The following HDHD5 variants were observed in gnomAD, a reference collection of about 807,000 sequenced individuals.
HDHD5 encodes haloacid dehalogenase like hydrolase domain containing 5, also known as haloacid dehalogenase-like hydrolase domain-containing 5.
Under a neutral mutation model 35.5 loss-of-function variants are expected in HDHD5, and 34 were observed. The observed-to-expected ratio is 0.96, with a 90% CI of 0.73 to 1.28. The LOEUF (loss-of-function observed/expected upper bound fraction) is 1.28, where lower values mean the gene tolerates loss of function less well. Ranked by LOEUF, HDHD5 falls within the 50% of genes most tolerant of loss-of-function variation. HDHD5 has a pLI of 0.00. For missense variants in HDHD5, 589 were observed against 560.2 expected, an observed-to-expected ratio of 1.05 and a Z score of -0.52; for synonymous variants, 248 against 240.6, an observed-to-expected ratio of 1.03 and a Z score of -0.29.
intron 1 of HDHD5, among the ~76,000 whole-genome samples, chr22:17,151,400 G>A (rs1017275665): frequency 2.0e-5 from 3 of 152,156 alleles, no homozygotes; most frequent in South Asian, 2.1e-4. Context: ...CCTACTCTAC[G>A]CACAGAGCTC....
intron 1 of HDHD5, among the ~76,000 whole-genome samples, chr22:17,150,540 A>G (rs1568947094): frequency 7.4e-6 from 1 of 134,346 alleles, no homozygotes; most frequent in East Asian, 2.0e-4. Flanking sequence ...TTTTTTTGAG[A>G]CAGAGTCTTG....
Position 17,159,254 on chromosome 22 carries a change from G to A in HDHD5, c.-3C>T. On this transcript the variant is annotated 5_prime_UTR_variant, in exon 1 of 8. Transcript: ENST00000336737. Reference sequence around the variant, plus strand: ...GCCACACAGCCCCACGCAGCCATCCGGCCGTCGCCGTGCGCACGTGCACGG... The same window carrying A: ...GCCACACAGCCCCACGCAGCCATCCAGCCGTCGCCGTGCGCACGTGCACGG... The A allele has an allele frequency of 1.6e-6, 2 of 1,223,030 alleles. No individual in the cohort carries two copies. The highest frequency in any genetic ancestry group is 2.0e-6 in the Non-Finnish European group (2 of 978,792). 75.8% of individuals were successfully genotyped at this position (1,223,030 alleles called of 1,614,324 possible). A position where few individuals can be genotyped will look rare whatever the true frequency, so the allele number is the denominator to read the frequency against.
intron 1 of HDHD5, among the ~76,000 whole-genome samples, chr22:17,151,559 G>A (rs1425796342): frequency 5.3e-5 from 8 of 151,998 alleles, no homozygotes; most frequent in African/African-American, 9.6e-5. Context: ...GTGAAACCTC[G>A]CCTCTACTAA....
At chr22:17,155,854 TGAA>T (rs752704385) in intron 1 of HDHD5, among the ~76,000 whole-genome samples, 13 of 152,104 alleles carry the variant, frequency 8.5e-5, no homozygotes, top group Non-Finnish European at 1.3e-4. Flanking sequence ...AACTCATAGC[TGAA>T]GAAGAGGCAA....
intron 6 of HDHD5, 136 bp downstream of exon 6, chr22:17,140,923 G>C: frequency 1.4e-6 from 1 of 708,602 alleles, no homozygotes; most frequent in Non-Finnish European, 2.2e-6. Flanking sequence ...CCAGGTTACT[G>C]CAGCAACAAC....
In HDHD5 at chr22:17,155,939, G is replaced by T. The variant is rs116541357; in HGVS notation, c.126+3187C>A. Among the ~76,000 whole-genome samples, 886 of 152,254 alleles carry T rather than the reference G, an allele frequency of 5.8e-3. 6 individuals carry two copies. The highest frequency in any genetic ancestry group is 0.02 in the African/African-American group (834 of 41,532). Reference sequence around the variant, plus strand: ...AGTGAAGGGTTCAGCAGCTTTTACAGACCTCAAGTTCCTTAAAAAGTCTGA... The same window carrying T: ...AGTGAAGGGTTCAGCAGCTTTTACATACCTCAAGTTCCTTAAAAAGTCTGA... On this transcript the variant is annotated intron_variant, in intron 1 of 7. Coordinates refer to ENST00000336737, the MANE Select transcript of HDHD5 (RefSeq NM_033070.3).
chr22:17,143,421 G>C (rs1228565493), intron 4 of HDHD5: 1 of 348,150 alleles, frequency 2.9e-6, no homozygotes, highest in Non-Finnish European at 5.2e-6. Flanking sequence ...ACAAGATATA[G>C]CCAAGCAAGA....
chr22:17,145,671 AAC>A (rs2061654495), intron 3 of HDHD5, among the ~76,000 whole-genome samples: 1 of 152,082 alleles, frequency 6.6e-6, no homozygotes, highest in Non-Finnish European at 1.5e-5. Flanking sequence ...CAACTTGGGC[AAC>A]AGAGTGTGAC....
At chr22:17,163,090 T>C (rs1246765266), upstream of HDHD5, among the ~76,000 whole-genome samples, 1 of 152,274 alleles carries the variant, frequency 6.6e-6, no homozygotes, top group Non-Finnish European at 1.5e-5. Context: ...GCACGTCTTC[T>C]GAGTTTATCC....
At chr22:17,145,970 C>G (rs142004843) in intron 3 of HDHD5, among the ~76,000 whole-genome samples, 2 of 152,276 alleles carry the variant, frequency 1.3e-5, no homozygotes, top group African/African-American at 4.8e-5. Flanking sequence ...TCAATTCCAA[C>G]TTGCAATCTT....
chr22:17,145,259 G>T, intron 3 of HDHD5, 142 bp from the exon 4 acceptor site: 1 of 1,422,544 alleles, frequency 7.0e-7, no homozygotes, highest in Non-Finnish European at 9.5e-7. Context: ...AGCAAGGATG[G>T]CACAAATCCT....
rs764768700 is a variant in HDHD5 at position 17,138,621 on chromosome 22, G to C, written c.864C>G (p.Ala288=). 1.8e-5 allele frequency: 29 copies of C among 1,614,064 alleles called. No homozygotes were observed. Among genetic ancestry groups the C allele is most frequent in the East Asian group, 2.2e-5 (1 of 44,890 alleles). ...CCGCCTGTCGCCTGATCAGGTCCTC[G>C]GCATACTGGTAAGTGAGGATGCTGG... ...GKPSILTYQY[A]EDLIRRQAER... is the part of the protein sequence containing the mutation. Residue 288 remains alanine, a synonymous_variant, in exon 7 of 8, where the codon GCC becomes GCG. Coordinates refer to ENST00000336737, the MANE Select transcript of HDHD5 (RefSeq NM_033070.3).
intron 1 of HDHD5, 28 bp from the exon 2 acceptor site, chr22:17,149,773 T>G: frequency 6.3e-7 from 1 of 1,583,406 alleles, no homozygotes; most frequent in Non-Finnish European, 8.7e-7. Flanking sequence ...TAATTACCAG[T>G]ACGTGAGTAA....
rs1258953707 is a variant in HDHD5, at chr22:17,154,403, C to A, written c.127-4658G>T. 8.0e-5 allele frequency among the ~76,000 whole-genome samples: 12 copies of A among 150,734 alleles called. No homozygotes were observed. The South Asian group carries it at 2.6e-3, about 32-fold the overall frequency. ...AGGCTGAGGCAGAATTGCTTGAACT[C>A]GGGAGATGGTGTTTGCAGTAAGCCA... On this transcript the variant is annotated intron_variant, in intron 1 of 7. Transcript: ENST00000336737.
chr22:17,162,121 A>G (rs528317406), upstream of HDHD5, among the ~76,000 whole-genome samples: 1 of 152,268 alleles, frequency 6.6e-6, no homozygotes, highest in East Asian at 1.9e-4. Flanking sequence ...GCCCTATAGA[A>G]AGGCCCACAT....
At chr22:17,141,486 G>T in intron 5 of HDHD5, 1 of 1,320,364 alleles carries the variant, frequency 7.6e-7, no homozygotes, top group Non-Finnish European at 9.6e-7. Context: ...TCACAGAAGA[G>T]GTTACAAAAC....
At position 17,145,033 on chromosome 22, in the gene HDHD5, T is replaced by C. The variant is rs771115671; in HGVS notation, c.528A>G (p.Leu176=). 16 of 1,613,884 alleles carry C rather than the reference T, an allele frequency of 9.9e-6. No individual in the cohort carries two copies. Among genetic ancestry groups the C allele is most frequent in the African/African-American group, 1.3e-5 (1 of 74,932 alleles). ...CCATGCTCCTTATTACCGTGGTCTT[T>C]AGCCGCCGCTCCAGGTCCACCATGT... ...LLDMVDLERR[L]KTTPLPRNDF... Residue 176 remains leucine, a synonymous_variant, in exon 4 of 8, where the codon CTA becomes CTG. Coordinates refer to ENST00000336737, the MANE Select transcript of HDHD5 (RefSeq NM_033070.3).
At chr22:17,150,691 G>C (rs2061716630) in intron 1 of HDHD5, among the ~76,000 whole-genome samples, 1 of 152,034 alleles carries the variant, frequency 6.6e-6, no homozygotes, top group Admixed American at 6.6e-5. Context: ...CCTAATATTT[G>C]TATTTTTAGT....
intron 6 of HDHD5, among the ~76,000 whole-genome samples, chr22:17,140,417 T>C (rs968317581): frequency 2.5e-4 from 38 of 152,236 alleles, no homozygotes; most frequent in African/African-American, 7.2e-4. Context: ...CTCTGGTCTA[T>C]ACGACTATCA....
Sources: allele counts gnomAD v4.1 joint callset (sites outside exome capture counted in the v4.1 genomes callset), GRCh38; gene constraint gnomAD v4.1.1; transcripts MANE v1.5; gene names NCBI Gene and HGNC (gene_info 2026-07-23, HGNC 2026-07-21).